Variants in EML5 observed in about 807,000 individuals in gnomAD.
EML5 encodes EMAP like 5, also known as echinoderm microtubule-associated protein-like 5.
In EML5, 120 loss-of-function variants were observed where a neutral mutation model predicts 250.0. That is an observed-to-expected ratio of 0.48 (90% confidence interval 0.41 to 0.56). EML5 has a LOEUF of 0.56. Ranked by LOEUF, EML5 falls within the 20% of genes least tolerant of loss-of-function variation. EML5 has a pLI of 0.00. For synonymous variants in EML5, 771 were observed against 806.5 expected (o/e 0.96, Z 0.75); for missense variants, 2,006 against 2,437.6 (o/e 0.82, Z 3.73).
At chr14:88,654,891 T>C (rs947066235) in intron 27 of EML5, among the ~76,000 whole-genome samples, 1 of 152,178 alleles carries the variant, frequency 6.6e-6, no homozygotes, top group African/African-American at 2.4e-5. Context: ...AGTCTCCCAC[T>C]ATTTTTGTGT....
chr14:88,661,368 T>G (rs2092094646), intron 25 of EML5, among the ~76,000 whole-genome samples: 1 of 152,226 alleles, frequency 6.6e-6, no homozygotes. Flanking sequence ...TATACTGGGA[T>G]TATAGGCATG....
intron 19 of EML5, 88 bp downstream of exon 19, chr14:88,687,128 G>T: frequency 2.1e-6 from 2 of 969,374 alleles, no homozygotes; most frequent in Non-Finnish European, 3.1e-6. Context: ...AAAAATACAT[G>T]CCATGTGTTC....
intron 21 of EML5, among the ~76,000 whole-genome samples, chr14:88,674,144 C>T (rs1323771707): frequency 6.6e-6 from 1 of 152,148 alleles, no homozygotes; most frequent in African/African-American, 2.4e-5. Flanking sequence ...TAGCGCATGT[C>T]TGTAATCTCA....
intron 10 of EML5, among the ~76,000 whole-genome samples, chr14:88,707,161 A>G (rs2093331458): frequency 6.6e-6 from 1 of 152,184 alleles, no homozygotes; most frequent in African/African-American, 2.4e-5. Context: ...AGAGATGTTA[A>G]GCTGCATCAT....
chr14:88,701,081 A>C (rs1220937990), intron 14 of EML5, among the ~76,000 whole-genome samples: 1 of 152,090 alleles, frequency 6.6e-6, no homozygotes, highest in Non-Finnish European at 1.5e-5. Context: ...CTTCGATTCT[A>C]CTGGGCAAAA....
At chr14:88,716,637 T>G (rs558146516) in intron 8 of EML5, among the ~76,000 whole-genome samples, 121 of 152,274 alleles carry the variant, frequency 7.9e-4, no homozygotes, top group Middle Eastern at 3.4e-3. Flanking sequence ...TGGTATTTTT[T>G]ATAGCATTTT....
In EML5 at chr14:88,792,182, C is replaced by T; in HGVS notation, c.197+125G>A. 1 of 1,165,162 alleles carries T rather than the reference C, an allele frequency of 8.6e-7. No homozygotes were observed. The highest frequency in any genetic ancestry group is 2.8e-5 in the East Asian group (1 of 35,620). The allele number at this position is 1,165,162 out of a possible 1,614,324, so 72.2% of individuals were successfully genotyped here. On this transcript the variant is annotated intron_variant, in intron 1 of 43. Transcript: ENST00000554922. This position sits in a 1 kb window ranked among gnomAD's most constrained non-coding sequence, Gnocchi z 6.9. ...ACTGGTGGACTCGGGACCAGAGAGA[C>T]AGCTGCGGATTCCCCTCGGGGTGAT...
intron 8 of EML5, among the ~76,000 whole-genome samples, chr14:88,720,947 T>C (rs1300165349): frequency 6.6e-6 from 1 of 152,084 alleles, no homozygotes; most frequent in African/African-American, 2.4e-5. Context: ...ATAAAATCAA[T>C]GTGTAAAAGT....
chr14:88,738,856 T>A, intron 6 of EML5, 23 bp downstream of exon 6: 1 of 1,548,586 alleles, frequency 6.5e-7, no homozygotes, highest in Non-Finnish European at 8.7e-7. Context: ...TGCCTAGTAA[T>A]AAGACATTTG....
intron 35 of EML5, 78 bp from the exon 36 acceptor site, chr14:88,625,205 G>T: frequency 6.7e-7 from 1 of 1,485,564 alleles, no homozygotes; most frequent in Admixed American, 1.9e-5. Flanking sequence ...TTCTATGTAT[G>T]TGTAATGCTG....
chr14:88,656,962 A>G (rs1301949915), intron 27 of EML5, among the ~76,000 whole-genome samples: 2 of 152,222 alleles, frequency 1.3e-5, no homozygotes, highest in Non-Finnish European at 2.9e-5. Flanking sequence ...TAGTGTTAAC[A>G]CATAGTGTTA....
intron 9 of EML5, 129 bp downstream of exon 9, chr14:88,714,810 A>C (rs1432963297): frequency 1.2e-6 from 1 of 832,624 alleles, no homozygotes; most frequent in Non-Finnish European, 1.8e-6. Context: ...AAAAGTCTAC[A>C]ATGCCTGAAA....
At chr14:88,622,740 AG>A in intron 36 of EML5, 22 bp from the exon 37 acceptor site, 1 of 1,541,862 alleles carries the variant, frequency 6.5e-7, no homozygotes, top group African/African-American at 1.4e-5. Context: ...ACCAAGCCAG[AG>A]TAAGTGTTCA....
At chr14:88,696,068 C>T (rs1008817918) in intron 15 of EML5, among the ~76,000 whole-genome samples, 3 of 151,982 alleles carry the variant, frequency 2.0e-5, no homozygotes, top group Non-Finnish European at 4.4e-5. Context: ...CTTTGCAAGT[C>T]TCAATTAGTT....
intron 8 of EML5, among the ~76,000 whole-genome samples, chr14:88,722,985 A>G (rs1419874840): frequency 6.6e-6 from 1 of 152,208 alleles, no homozygotes; most frequent in East Asian, 1.9e-4. Context: ...TAACACAGCA[A>G]TAAGGAAAGA....
Position 88,771,777 on chromosome 14 carries a change from G to A in EML5, c.198-17106C>T, listed in dbSNP as rs144100442. ...GTGTTTGACATAACTGACCACCCACGTTTTTGAAAGACTTTCCTCTCTAGG... is the reference window on the plus strand; with the variant it reads ...GTGTTTGACATAACTGACCACCCACATTTTTGAAAGACTTTCCTCTCTAGG... On this transcript the variant is annotated intron_variant, in intron 1 of 43. Transcript: ENST00000554922. Among the ~76,000 whole-genome samples, 4 of 152,180 alleles carry A rather than the reference G, an allele frequency of 2.6e-5. No individual in the cohort carries two copies. In the East Asian group the frequency reaches 5.8e-4, roughly 22 times the overall value.
intron 33 of EML5, among the ~76,000 whole-genome samples, chr14:88,629,366 T>G (rs138722470): frequency 6.6e-6 from 1 of 152,140 alleles, no homozygotes; most frequent in Non-Finnish European, 1.5e-5. Flanking sequence ...TTAAAGGAGA[T>G]GGCAAGAAGG....
At chr14:88,689,948 C>A (rs920868028) in intron 17 of EML5, among the ~76,000 whole-genome samples, 1 of 152,018 alleles carries the variant, frequency 6.6e-6, no homozygotes, top group Non-Finnish European at 1.5e-5. Context: ...AAAAAGGAGA[C>A]AGGAAGTGGG....
chr14:88,681,689 C>CATG (rs1324969728), intron 21 of EML5, among the ~76,000 whole-genome samples: 2 of 152,140 alleles, frequency 1.3e-5, no homozygotes, highest in Non-Finnish European at 2.9e-5. Flanking sequence ...TCACTTTAGG[C>CATG]ATGATGATAG....
Sources: allele counts gnomAD v4.1 joint callset (sites outside exome capture counted in the v4.1 genomes callset), GRCh38; gene constraint gnomAD v4.1.1; non-coding constraint Gnocchi (gnomAD v3.1); transcripts MANE v1.5; gene names NCBI Gene and HGNC (gene_info 2026-07-23, HGNC 2026-07-21).